ACER1: variants seen among roughly 807,000 people sequenced by gnomAD.
ACER1 encodes CTB-180A7.3.
In ACER1, 28 loss-of-function variants were observed where a neutral mutation model predicts 24.9. The ratio of observed to expected loss-of-function variants is 1.13; its 90% CI spans 0.83 to 1.54. ACER1 has a LOEUF of 1.54. Ranked by LOEUF, ACER1 falls within the 40% of genes most tolerant of loss-of-function variation. The pLI is 0.00. For synonymous variants in ACER1, 132 were observed against 131.4 expected (o/e 1.00, Z -0.03); for missense variants, 352 against 349.3 (o/e 1.01, Z -0.06).
In ACER1 at chr19:6,307,261, A is replaced by G. The variant is rs764338165; in HGVS notation, c.518T>C (p.Ile173Thr). 7 of 1,613,920 alleles carry G rather than the reference A, an allele frequency of 4.3e-6. No individual in the cohort carries two copies. Among genetic ancestry groups the G allele is most frequent in the African/African-American group, 4.0e-5 (3 of 74,918 alleles). ...KTSNKELRHL[I>T]EVSVVLWAVA... is the part of the protein sequence containing the mutation. ...AGCCCATAAAACCACGGAGACCTCA[A>G]TCAGGTGCCGAAGCTCCTTATTGCT... The change falls in exon 5 of 6, where the codon ATT (isoleucine) becomes ACT (threonine). Residue 173 changes from isoleucine (I) to threonine (T), a missense_variant. Transcript: ENST00000301452.
intron 4 of ACER1, among the ~76,000 whole-genome samples, chr19:6,307,761 G>T (rs1452108429): frequency 6.7e-6 from 1 of 150,124 alleles, no homozygotes; most frequent in Non-Finnish European, 1.5e-5. Context: ...GCTGCACTCC[G>T]GCCTGGGTGA....
chr19:6,351,105 G>A, the ACER1 span, among the ~76,000 whole-genome samples: 13 of 152,240 alleles, frequency 8.5e-5, no homozygotes, highest in Non-Finnish European at 1.6e-4. Context: ...GGTGGCTCAC[G>A]CCTGTAATCT....
At chr19:6,326,403 G>A (rs1348512450) in intron 1 of ACER1, among the ~76,000 whole-genome samples, 3 of 152,008 alleles carry the variant, frequency 2.0e-5, no homozygotes, top group Non-Finnish European at 4.4e-5. Context: ...TGGGATTACA[G>A]GCGTGAGCCA....
chr19:6,359,206 TG>T, the ACER1 span, among the ~76,000 whole-genome samples: 1 of 152,130 alleles, frequency 6.6e-6, no homozygotes, highest in African/African-American at 2.4e-5. Flanking sequence ...TGCTCCAGCC[TG>T]GGTGACAGAG....
At chr19:6,307,312 CA>C (rs754609481) in intron 4 of ACER1, 22 bp from the exon 5 acceptor site, 3 of 1,612,960 alleles carry the variant, frequency 1.9e-6, no homozygotes, top group South Asian at 1.1e-5. Context: ...AGAGGGGGAC[CA>C]GGGGCTGGCT....
intron 1 of ACER1, among the ~76,000 whole-genome samples, chr19:6,332,301 C>T (rs1404840002): frequency 7.5e-6 from 1 of 133,824 alleles, no homozygotes; most frequent in Admixed American, 7.7e-5. Flanking sequence ...GACAGGGTCT[C>T]CCTCTGTCAC....
intron 1 of ACER1, among the ~76,000 whole-genome samples, chr19:6,317,980 C>A (rs1006885822): frequency 6.6e-6 from 1 of 151,898 alleles, no homozygotes; most frequent in Non-Finnish European, 1.5e-5. Flanking sequence ...GTCTCGAACT[C>A]CTGAACAAAG....
chr19:6,340,287 AGAAAGAAGGAAGGAAGGAAG>A, the ACER1 span, among the ~76,000 whole-genome samples: 2 of 130,552 alleles, frequency 1.5e-5, no homozygotes, highest in African/African-American at 3.0e-5. Context: ...CTCCAAAAAA[AGAAAGAAGGAAGGAAGGAAG>A]GAAGGAAGGA....
chr19:6,314,140 T>A (rs1018301860), intron 1 of ACER1, among the ~76,000 whole-genome samples: 11 of 147,472 alleles, frequency 7.5e-5, no homozygotes, highest in Non-Finnish European at 1.3e-4. Context: ...TATATATATA[T>A]AATATGTGAA....
chr19:6,356,638 T>A, the ACER1 span, among the ~76,000 whole-genome samples: 3,895 of 151,976 alleles, frequency 0.026, 59 homozygotes, highest in Non-Finnish European at 0.04. Context: ...TTCTTCATAA[T>A]TTTACCTCCA....
chr19:6,322,532 C>T (rs1266085993), intron 1 of ACER1, among the ~76,000 whole-genome samples: 1 of 152,102 alleles, frequency 6.6e-6, no homozygotes, highest in East Asian at 1.9e-4. Flanking sequence ...CATGAAGCCT[C>T]CCAACACCTG....
intron 1 of ACER1, among the ~76,000 whole-genome samples, chr19:6,330,162 C>T (rs371116792): frequency 4.9e-4 from 62 of 127,146 alleles, no homozygotes; most frequent in Admixed American, 9.3e-4. Context: ...TGAGCCACCA[C>T]GCCCGGCTAA....
At chr19:6,322,377 G>T (rs1389501155) in intron 1 of ACER1, among the ~76,000 whole-genome samples, 1 of 152,150 alleles carries the variant, frequency 6.6e-6, no homozygotes, top group South Asian at 2.1e-4. Context: ...GACAAAATAT[G>T]TAGCAGAAAT....
At chr19:6,353,121 A>C in the ACER1 span, among the ~76,000 whole-genome samples, 1 of 152,160 alleles carries the variant, frequency 6.6e-6, no homozygotes, top group Non-Finnish European at 1.5e-5. Flanking sequence ...TGAGGCCATG[A>C]GTTCAACACC....
At chr19:6,310,695 A>G (rs1047190763) in intron 3 of ACER1, among the ~76,000 whole-genome samples, 3 of 151,888 alleles carry the variant, frequency 2.0e-5, no homozygotes, top group Non-Finnish European at 4.4e-5. Flanking sequence ...CCTGGGCAAC[A>G]TGGCAAAACC....
At chr19:6,342,646 G>C in the ACER1 span, among the ~76,000 whole-genome samples, 2 of 151,630 alleles carry the variant, frequency 1.3e-5, no homozygotes, top group Non-Finnish European at 2.9e-5. Context: ...GTGAACCCAG[G>C]AGGTGGAGCT....
intron 1 of ACER1, among the ~76,000 whole-genome samples, chr19:6,325,608 G>C (rs1033783130): frequency 6.6e-6 from 1 of 152,170 alleles, no homozygotes; most frequent in East Asian, 1.9e-4. Context: ...AGCCAAGATC[G>C]TGCCACTGCA....
chr19:6,357,689 A>G, the ACER1 span, among the ~76,000 whole-genome samples: 1 of 151,286 alleles, frequency 6.6e-6, no homozygotes, highest in Non-Finnish European at 1.5e-5. Flanking sequence ...CTTGAACCGG[A>G]GAGGCAGAGG....
At chr19:6,343,747 C>A in the ACER1 span, 1 of 152,258 alleles carries the variant, frequency 6.6e-6, no homozygotes, top group Non-Finnish European at 1.5e-5. Flanking sequence ...GAAATGTAAT[C>A]TGTAGCACAG....
Sources: allele counts gnomAD v4.1 joint callset (sites outside exome capture counted in the v4.1 genomes callset), GRCh38; gene constraint gnomAD v4.1.1; transcripts MANE v1.5; gene names NCBI Gene and HGNC (gene_info 2026-07-23, HGNC 2026-07-21).